The following PKP4 variants were observed in gnomAD, a reference collection of about 807,000 sequenced individuals.
The protein encoded by PKP4 is plakophilin 4.
In PKP4, 90 loss-of-function variants were observed where a neutral mutation model predicts 145.1. The observed-to-expected ratio is 0.62, with a 90% CI of 0.52 to 0.74. The LOEUF is 0.74. Among genes scored for constraint, PKP4 ranks in the 30% least tolerant of loss-of-function variants. The probability of loss-of-function intolerance (pLI) is 0.00; values close to 1 mark genes in which losing one functional copy is unlikely to be tolerated. For missense variants in PKP4, 1,340 were observed against 1,482.7 expected (o/e 0.90, Z 1.58); for synonymous variants, 563 against 577.2 (o/e 0.98, Z 0.35).
At chr2:158,616,071 T>C (rs1323424106) in intron 4 of PKP4, among the ~76,000 whole-genome samples, 1 of 152,210 alleles carries the variant, frequency 6.6e-6, no homozygotes, top group Non-Finnish European at 1.5e-5. Context: ...TATATTTGAA[T>C]CAACAAACTC....
intron 2 of PKP4, among the ~76,000 whole-genome samples, chr2:158,541,834 T>A (rs1384502290): frequency 6.6e-6 from 1 of 152,124 alleles, no homozygotes; most frequent in African/African-American, 2.4e-5. Context: ...CTAATAGGCA[T>A]ATATCTCATT....
chr2:158,600,172 A>C (rs1224888477), intron 3 of PKP4, among the ~76,000 whole-genome samples: 2 of 152,264 alleles, frequency 1.3e-5, no homozygotes, highest in African/African-American at 4.8e-5. Context: ...GATGTTCACC[A>C]TCTGACTGGA....
intron 1 of PKP4, among the ~76,000 whole-genome samples, chr2:158,525,856 C>A (rs1268325489): frequency 6.7e-6 from 1 of 148,842 alleles, no homozygotes; most frequent in Non-Finnish European, 1.5e-5. Flanking sequence ...CTACAAACAC[C>A]TCTACGCAAA....
chr2:158,525,615 G>A (rs1191364289), intron 1 of PKP4, among the ~76,000 whole-genome samples: 1 of 73,820 alleles, frequency 1.4e-5, no homozygotes, highest in Non-Finnish European at 2.6e-5. Context: ...CTAGCAGAAG[G>A]CAAGAAATAA....
chr2:158,641,371 C>T (rs985588574), intron 10 of PKP4, among the ~76,000 whole-genome samples: 1 of 151,904 alleles, frequency 6.6e-6, no homozygotes, highest in Non-Finnish European at 1.5e-5. Flanking sequence ...TTATAGTATT[C>T]ATTGAACTAG....
chr2:158,491,762 A>G (rs1694974433), intron 1 of PKP4, among the ~76,000 whole-genome samples: 2 of 151,770 alleles, frequency 1.3e-5, no homozygotes, highest in South Asian at 4.2e-4. Context: ...CTCTAGCCCT[A>G]GTTCTCAAGG....
intron 11 of PKP4, among the ~76,000 whole-genome samples, chr2:158,651,659 C>T (rs1026850329): frequency 2.0e-5 from 3 of 151,740 alleles, no homozygotes; most frequent in Non-Finnish European, 4.4e-5. Flanking sequence ...ATGTGGTCTC[C>T]CATCCTCCTG....
At chr2:158,480,038 T>A (rs1190153693) in intron 1 of PKP4, among the ~76,000 whole-genome samples, 1 of 152,204 alleles carries the variant, frequency 6.6e-6, no homozygotes, top group Non-Finnish European at 1.5e-5. Context: ...TCTGAACTGC[T>A]ACTGCTTTAC....
intron 1 of PKP4, among the ~76,000 whole-genome samples, chr2:158,479,611 G>C (rs923846131): frequency 6.6e-5 from 10 of 152,068 alleles, no homozygotes; most frequent in African/African-American, 2.4e-4. Context: ...TCTATAGGCA[G>C]ACTGTCACTT....
At chr2:158,528,340 A>T (rs1428328961) in intron 1 of PKP4, among the ~76,000 whole-genome samples, 1 of 137,196 alleles carries the variant, frequency 7.3e-6, no homozygotes, top group Non-Finnish European at 1.6e-5. Flanking sequence ...CTTTGTAGGG[A>T]CATGGATGAA....
At chr2:158,506,976 G>T (rs918467916) in intron 1 of PKP4, among the ~76,000 whole-genome samples, 1 of 152,188 alleles carries the variant, frequency 6.6e-6, no homozygotes, top group Non-Finnish European at 1.5e-5. Context: ...GCTACTATTT[G>T]TCTCTCCTAA....
At chr2:158,533,446 A>T (rs1183582037) in intron 2 of PKP4, 130 bp downstream of exon 2, 1 of 1,087,468 alleles carries the variant, frequency 9.2e-7, no homozygotes, top group East Asian at 2.6e-5. Context: ...AGGTGTTTAC[A>T]TCCCTGAGTA....
At chr2:158,657,990 A>G (rs566596158) in intron 11 of PKP4, 141 bp from the exon 12 acceptor site, 22 of 616,972 alleles carry the variant, frequency 3.6e-5, no homozygotes, top group Middle Eastern at 4.3e-4. Context: ...TTAGAGGTCT[A>G]TTCCCACCCT....
chr2:158,563,614 T>C (rs1022221090), intron 2 of PKP4, among the ~76,000 whole-genome samples: 1 of 152,212 alleles, frequency 6.6e-6, no homozygotes, highest in Non-Finnish European at 1.5e-5. Context: ...TTGGGTTGTT[T>C]CCAGTTTTAT....
intron 1 of PKP4, among the ~76,000 whole-genome samples, chr2:158,531,200 C>T (rs949912998): frequency 2.0e-5 from 3 of 152,116 alleles, no homozygotes; most frequent in Non-Finnish European, 2.9e-5. Flanking sequence ...CAGTAAGGCT[C>T]CTTCTATATT....
At position 158,641,732 on chromosome 2, in the gene PKP4, A is replaced by T. The variant is rs577026745; in HGVS notation, c.1696-754A>T. Reference sequence around the variant, plus strand: ...AATGTACTAATGAATTGACAAATGGAAGAAAATTTAAGGAGAGTAGCCTAG... The same window carrying T: ...AATGTACTAATGAATTGACAAATGGTAGAAAATTTAAGGAGAGTAGCCTAG... On this transcript the variant is annotated intron_variant, in intron 10 of 21. Transcript: ENST00000389759. 5.9e-4 allele frequency among the ~76,000 whole-genome samples: 90 copies of T among 152,334 alleles called. 1 individual carries two copies. The highest frequency in any genetic ancestry group is 8.1e-4 in the Non-Finnish European group (55 of 68,036).
At chr2:158,609,387 A>T (rs2050935311) in intron 4 of PKP4, among the ~76,000 whole-genome samples, 1 of 152,210 alleles carries the variant, frequency 6.6e-6, no homozygotes, top group Non-Finnish European at 1.5e-5. Flanking sequence ...CTGGGTCTTG[A>T]CAAAAGCAAC....
chr2:158,537,042 C>T (rs578242092), intron 2 of PKP4, among the ~76,000 whole-genome samples: 26 of 152,064 alleles, frequency 1.7e-4, no homozygotes, highest in Admixed American at 4.6e-4. Context: ...AATGGTTGTT[C>T]GAGCAGGGAA....
chr2:158,607,176 A>G (rs985097424), intron 4 of PKP4, among the ~76,000 whole-genome samples: 3 of 152,220 alleles, frequency 2.0e-5, no homozygotes, highest in African/African-American at 7.2e-5. Flanking sequence ...CTCCAGGTGT[A>G]TGGGATTGAT....
Sources: allele counts gnomAD v4.1 joint callset (sites outside exome capture counted in the v4.1 genomes callset), GRCh38; gene constraint gnomAD v4.1.1; transcripts MANE v1.5; gene names NCBI Gene and HGNC (gene_info 2026-07-23, HGNC 2026-07-21).